Variants in CNKSR2 observed in about 807,000 individuals in gnomAD.
The protein encoded by CNKSR2 is CNK homolog protein 2.
CNKSR2 carries 14 observed loss-of-function variants against 84.4 expected under a neutral mutation model. The observed-to-expected ratio is 0.17, with a 90% CI of 0.11 to 0.26. The LOEUF (loss-of-function observed/expected upper bound fraction) is 0.26. Among genes scored for constraint, CNKSR2 ranks in the 10% least tolerant of loss-of-function variants. The probability of loss-of-function intolerance (pLI) is 1.00; values close to 1 mark genes in which losing one functional copy is unlikely to be tolerated. For missense variants in CNKSR2, 485 were observed against 771.2 expected, an observed-to-expected ratio of 0.63 and a Z score of 4.40; for synonymous variants, 275 against 277.9, an observed-to-expected ratio of 0.99 and a Z score of 0.10.
chrX:21,614,252 G>A (rs2092566069), intron 20 of CNKSR2, among the ~76,000 whole-genome samples: 2 of 111,448 alleles, frequency 1.8e-5, no homozygotes, highest in Non-Finnish European at 3.8e-5. Flanking sequence ...ATTAAAGTAG[G>A]AGATATGTAG....
At chrX:21,432,921 C>A in intron 3 of CNKSR2, 107 bp downstream of exon 3, 1 of 749,805 alleles carries the variant, frequency 1.3e-6, no homozygotes, top group Non-Finnish European at 2.0e-6. Context: ...AGAGGAGTAC[C>A]AAGTAATAAA....
intron 1 of CNKSR2, among the ~76,000 whole-genome samples, chrX:21,396,108 A>G (rs892043172): frequency 1.3e-4 from 15 of 111,162 alleles, no homozygotes; most frequent in African/African-American, 4.2e-4. Context: ...CAAGCATATC[A>G]TTGAGCAAAT....
Position 21,563,116 on chromosome X carries a change from A to G in CNKSR2, c.1394-122A>G, listed in dbSNP as rs950753889. On this transcript the variant is annotated intron_variant, in intron 12 of 21. Transcript: ENST00000379510. ...GGCAAAAGTAATTGCGGTTCTTGCA[A>G]TTAAAAGTAATGGGAAAAACTGCAA... 29 of 512,075 alleles carry G rather than the reference A, an allele frequency of 5.7e-5. No individual in the cohort carries two copies. In the Admixed American group the frequency reaches 8.6e-4, roughly 15 times the overall value. 42.2% of individuals were successfully genotyped at this position (512,075 alleles called of 1,213,427 possible).
chrX:21,526,046 CTTAAG>C (rs1470098503), intron 9 of CNKSR2, among the ~76,000 whole-genome samples: 1 of 110,816 alleles, frequency 9.0e-6, no homozygotes, highest in East Asian at 2.8e-4. Context: ...TGGGAGTGCT[CTTAAG>C]TTAATGCATC....
At chrX:21,381,956 G>C (rs1326816913) in intron 1 of CNKSR2, among the ~76,000 whole-genome samples, 1 of 111,117 alleles carries the variant, frequency 9.0e-6, no homozygotes, top group Non-Finnish European at 1.9e-5. Flanking sequence ...AATTTGGATG[G>C]TTATTTGATA....
intron 11 of CNKSR2, among the ~76,000 whole-genome samples, chrX:21,541,139 C>T (rs1335529197): frequency 9.1e-6 from 1 of 110,116 alleles, no homozygotes; most frequent in African/African-American, 3.3e-5. Flanking sequence ...CACGCCACCA[C>T]GCCCAGCTAA....
chrX:21,643,657 C>T (rs1281552007), intron 20 of CNKSR2: 1 of 111,694 alleles, frequency 9.0e-6, no homozygotes, highest in Non-Finnish European at 1.9e-5. Flanking sequence ...GACTTCTTTA[C>T]TCAGAGAAAT....
intron 18 of CNKSR2, among the ~76,000 whole-genome samples, chrX:21,603,767 C>T (rs900608217): frequency 8.9e-6 from 1 of 112,117 alleles, no homozygotes; most frequent in African/African-American, 3.2e-5. Context: ...TTCAGTCACA[C>T]ATAAGGTCTT....
intron 5 of CNKSR2, among the ~76,000 whole-genome samples, chrX:21,485,455 A>G (rs1229263566): frequency 8.1e-5 from 9 of 110,997 alleles, no homozygotes; most frequent in Non-Finnish European, 1.3e-4. Context: ...GTGTATATAT[A>G]TATGTATGTG....
At chrX:21,612,608 A>G (rs1001869192) in intron 20 of CNKSR2, among the ~76,000 whole-genome samples, 3 of 112,402 alleles carry the variant, frequency 2.7e-5, no homozygotes, top group Non-Finnish European at 3.8e-5. Flanking sequence ...ATAGTCTGTC[A>G]TATGCTTTAA....
At chrX:21,618,517 T>A (rs1181044930) in intron 20 of CNKSR2, among the ~76,000 whole-genome samples, 4 of 112,219 alleles carry the variant, frequency 3.6e-5, no homozygotes, top group Non-Finnish European at 7.5e-5. Context: ...ATATTTTTGT[T>A]TTTATTACAA....
intron 11 of CNKSR2, chrX:21,538,021 C>G (rs1255696644): frequency 9.0e-6 from 1 of 111,481 alleles, no homozygotes; most frequent in Non-Finnish European, 1.9e-5. Context: ...TGTTTCTACT[C>G]TACCAGTGAC....
intron 4 of CNKSR2, among the ~76,000 whole-genome samples, chrX:21,446,701 GC>G (rs1453565235): frequency 9.0e-6 from 1 of 111,137 alleles, no homozygotes; most frequent in African/African-American, 3.3e-5. Context: ...CCCTGCCAAA[GC>G]GCTTTTAAAG....
chrX:21,596,260 A>G (rs2092450321), intron 17 of CNKSR2, among the ~76,000 whole-genome samples: 1 of 111,116 alleles, frequency 9.0e-6, no homozygotes, highest in African/African-American at 3.3e-5. Flanking sequence ...CAAGAGGTGG[A>G]TGGGGCTAAT....
intron 1 of CNKSR2, among the ~76,000 whole-genome samples, chrX:21,380,872 G>A (rs928748469): frequency 2.7e-5 from 3 of 112,117 alleles, no homozygotes; most frequent in African/African-American, 9.7e-5. Context: ...TGGATCATCT[G>A]TACTAATTTT....
In CNKSR2 at chrX:21,476,493, C is replaced by T. The variant is rs150389542; in HGVS notation, c.561+5686C>T. On this transcript the variant is annotated intron_variant, in intron 5 of 21. Transcript: ENST00000379510. The stretch of plus-strand genomic sequence containing the variant: ...TTGAACTAGTCAGAAGGGACTTGGA[C>T]AATCCTCAGGCTACATTTTCTGTTC... Among the ~76,000 whole-genome samples, 415 of 111,447 alleles carry T rather than the reference C, an allele frequency of 3.7e-3. 3 individuals carry two copies. Among genetic ancestry groups the T allele is most frequent in the African/African-American group, 0.013 (394 of 30,731 alleles).
chrX:21,500,829 C>T (rs977347706), intron 7 of CNKSR2, among the ~76,000 whole-genome samples: 3 of 111,223 alleles, frequency 2.7e-5, no homozygotes, highest in Non-Finnish European at 5.7e-5. Context: ...GTTTTACTGT[C>T]CAGTGTATTA....
At chrX:21,528,194 C>G (rs777373386) in intron 10 of CNKSR2, among the ~76,000 whole-genome samples, 1 of 110,906 alleles carries the variant, frequency 9.0e-6, no homozygotes, top group African/African-American at 3.3e-5. Context: ...ATCCAATATC[C>G]TACTAAAATG....
At chrX:21,494,010 A>G (rs1198671149) in intron 6 of CNKSR2, 1 of 111,505 alleles carries the variant, frequency 9.0e-6, no homozygotes, top group Non-Finnish European at 1.9e-5. Context: ...TAAAATTTTT[A>G]TTCATCTGAA....
Sources: allele counts gnomAD v4.1 joint callset (sites outside exome capture counted in the v4.1 genomes callset), GRCh38; gene constraint gnomAD v4.1.1; transcripts MANE v1.5; gene names NCBI Gene and HGNC (gene_info 2026-07-23, HGNC 2026-07-21).